Variants in SCLT1 observed in about 807,000 individuals in gnomAD.
The protein encoded by SCLT1 is sodium channel-associated protein 1.
A neutral mutation model predicts 112.8 loss-of-function variants in SCLT1; 78 were observed. That is an observed-to-expected ratio of 0.69 (90% confidence interval 0.58 to 0.83). The LOEUF (loss-of-function observed/expected upper bound fraction) is 0.83. SCLT1 is among the 40% of genes least tolerant of loss of function. The pLI, the probability that SCLT1 is intolerant of heterozygous loss-of-function variation, is 0.00. For synonymous variants in SCLT1, 257 were observed against 254.7 expected (o/e 1.01, Z -0.09); for missense variants, 747 against 770.4 (o/e 0.97, Z 0.36).
chr4:129,093,215 G>T lies in SCLT1; in HGVS notation c.-112C>A. On this transcript the variant is annotated 5_prime_UTR_variant, in exon 1 of 21. Transcript: ENST00000281142. ...GCCAACGCTCGGTTGGTTGTCAAGCGCTCCAGCGGTGCAATCTGCATCCTA... is the reference window on the plus strand; with the variant it reads ...GCCAACGCTCGGTTGGTTGTCAAGCTCTCCAGCGGTGCAATCTGCATCCTA... 1.0e-6 allele frequency: 1 copy of T among 975,506 alleles called. No individual in the cohort carries two copies. The highest frequency in any genetic ancestry group is 1.6e-6 in the Non-Finnish European group (1 of 608,206). The allele number at this position is 975,506 out of a possible 1,614,324, so 60.4% of individuals were successfully genotyped here. A position where few individuals can be genotyped will look rare whatever the true frequency, so the allele number is the denominator to read the frequency against.
rs1260600365 is a variant in SCLT1 at position 129,080,295 on chromosome 4, G to A, written c.102+2011C>T. ...GGCTGTAAACTTTCCAAACTATTAT[G>A]CTCTACTTCCCTTCTAAATATAAGT... On this transcript the variant is annotated intron_variant, in intron 2 of 20. Coordinates refer to ENST00000281142, the MANE Select transcript of SCLT1 (RefSeq NM_144643.4). Among the ~76,000 whole-genome samples, 7 of 152,108 alleles carry A rather than the reference G, an allele frequency of 4.6e-5. No homozygotes were observed. In the South Asian group the frequency reaches 1.0e-3, roughly 22 times the overall value.
chr4:128,913,721 G>T (rs1735264744), intron 18 of SCLT1, among the ~76,000 whole-genome samples: 3 of 152,130 alleles, frequency 2.0e-5, no homozygotes, highest in African/African-American at 4.8e-5. Flanking sequence ...CTAAAATGGG[G>T]CGCTCTCAAA....
intron 17 of SCLT1, among the ~76,000 whole-genome samples, chr4:128,938,208 TC>T (rs919385471): frequency 2.0e-5 from 3 of 152,190 alleles, no homozygotes; most frequent in African/African-American, 7.2e-5. Flanking sequence ...TGAGAGTAAT[TC>T]ATTAAATACG....
In SCLT1 at chr4:128,891,280, T is replaced by A. The variant is rs985616271; in HGVS notation, c.1830-143A>T. 4.8e-6 allele frequency: 3 copies of A among 623,170 alleles called. No homozygotes were observed. The Admixed American group carries it at 9.0e-5, about 19-fold the overall frequency. 38.6% of individuals were successfully genotyped at this position (623,170 alleles called of 1,614,324 possible). On this transcript the variant is annotated intron_variant, in intron 18 of 20. Coordinates refer to ENST00000281142, the MANE Select transcript of SCLT1 (RefSeq NM_144643.4). ...AAGTCACTTACTAATAGACCATATC[T>A]CAAGGACTTGTTTATTTCTTTTTAA...
intron 18 of SCLT1, among the ~76,000 whole-genome samples, chr4:128,901,437 C>T (rs538521206): frequency 3.3e-5 from 5 of 151,782 alleles, no homozygotes; most frequent in South Asian, 2.1e-4. Flanking sequence ...AACCAAACAC[C>T]GCATGTTCTC....
At chr4:129,058,255 C>T (rs1424289939) in intron 2 of SCLT1, among the ~76,000 whole-genome samples, 1 of 151,978 alleles carries the variant, frequency 6.6e-6, no homozygotes, top group African/African-American at 2.4e-5. Flanking sequence ...ATTTCTTTCC[C>T]TATACTATTT....
intron 5 of SCLT1, among the ~76,000 whole-genome samples, chr4:129,028,110 T>C (rs1292266804): frequency 6.6e-6 from 1 of 152,150 alleles, no homozygotes; most frequent in Non-Finnish European, 1.5e-5. Flanking sequence ...CCCAAGGTAA[T>C]TTATAGATTG....
intron 17 of SCLT1, among the ~76,000 whole-genome samples, chr4:128,937,104 C>T: frequency 6.6e-6 from 1 of 151,576 alleles, no homozygotes; most frequent in Non-Finnish European, 1.5e-5. Flanking sequence ...ATGGTGAAAC[C>T]CCATCTCTAC....
intron 2 of SCLT1, 71 bp from the exon 3 acceptor site, chr4:129,044,122 T>G (rs561447395): frequency 5.6e-6 from 4 of 715,942 alleles, no homozygotes; most frequent in Non-Finnish European, 9.7e-6. Context: ...GATATAATAT[T>G]AAATGCAATT....
At chr4:128,892,663 T>C (rs573074382) in intron 18 of SCLT1, among the ~76,000 whole-genome samples, 10 of 152,340 alleles carry the variant, frequency 6.6e-5, no homozygotes, top group South Asian at 4.1e-4. Flanking sequence ...TATTCAATTA[T>C]ACAAATAGTT....
chr4:129,053,929 G>A (rs1749099705), intron 2 of SCLT1, among the ~76,000 whole-genome samples: 1 of 152,058 alleles, frequency 6.6e-6, no homozygotes, highest in Non-Finnish European at 1.5e-5. Context: ...TCCTTCAGGA[G>A]TTCTTCTAAG....
intron 19 of SCLT1, among the ~76,000 whole-genome samples, chr4:128,889,710 C>T (rs908531129): frequency 3.3e-5 from 5 of 152,164 alleles, no homozygotes; most frequent in Non-Finnish European, 7.3e-5. Flanking sequence ...TGGATTAGCT[C>T]TCTCCACACT....
chr4:128,926,191 T>C, intron 18 of SCLT1, among the ~76,000 whole-genome samples: 1 of 152,216 alleles, frequency 6.6e-6, no homozygotes, highest in Non-Finnish European at 1.5e-5. Context: ...GACCAGCTTG[T>C]TCATTTTGAA....
chr4:128,888,763 T>C lies in SCLT1; in HGVS notation c.1920A>G (p.Leu640=). 6.2e-7 allele frequency: 1 copy of C among 1,601,014 alleles called. No homozygotes were observed. Among genetic ancestry groups the C allele is most frequent in the African/African-American group, 1.3e-5 (1 of 74,720 alleles). The part of the protein sequence containing the change: ...ANEKVAENEK[L]ILEHQEKANR... ...TGGCTTTTTCTTGATGCTCTAGAAT[T>C]AGCTTTTCATTCTATTAAGGGGAAA... Residue 640 remains leucine, a synonymous_variant, in exon 20 of 21, where the codon CTA becomes CTG. Transcript: ENST00000281142.
intron 2 of SCLT1, among the ~76,000 whole-genome samples, chr4:129,058,140 C>T (rs184497331): frequency 3.9e-5 from 6 of 152,148 alleles, no homozygotes; most frequent in Admixed American, 2.6e-4. Context: ...GTTATTTTGC[C>T]ATGGTTTGTT....
At chr4:128,921,769 T>C (rs553313008) in intron 18 of SCLT1, among the ~76,000 whole-genome samples, 2 of 152,094 alleles carry the variant, frequency 1.3e-5, no homozygotes, top group Non-Finnish European at 2.9e-5. Context: ...CCAAGACCAA[T>C]TGCAACAAAA....
intron 15 of SCLT1, 125 bp downstream of exon 15, chr4:128,948,371 A>AAAAAAAT: frequency 8.8e-7 from 1 of 1,133,028 alleles, no homozygotes; most frequent in Non-Finnish European, 1.2e-6. Flanking sequence ...AAAAGAAAAG[A>AAAAAAAT]AAAACTTACC....
intron 18 of SCLT1, among the ~76,000 whole-genome samples, chr4:128,891,645 T>TTA (rs1560806257): frequency 1.3e-5 from 1 of 76,808 alleles, no homozygotes; most frequent in East Asian, 4.5e-4. Flanking sequence ...ATAATATGCT[T>TTA]TTTTTTTTTT....
chr4:129,026,368 A>G (rs1483857304), intron 5 of SCLT1, among the ~76,000 whole-genome samples: 3 of 152,100 alleles, frequency 2.0e-5, no homozygotes, highest in African/African-American at 7.3e-5. Flanking sequence ...CCACAGTGCA[A>G]TCAAACTAGA....
Sources: allele counts gnomAD v4.1 joint callset (sites outside exome capture counted in the v4.1 genomes callset), GRCh38; gene constraint gnomAD v4.1.1; transcripts MANE v1.5; gene names NCBI Gene and HGNC (gene_info 2026-07-23, HGNC 2026-07-21).